Variants in CRB1 observed in about 807,000 individuals in gnomAD.
The protein encoded by CRB1 is crumbs cell polarity complex component 1, also known as protein crumbs homolog 1.
A neutral mutation model predicts 120.0 loss-of-function variants in CRB1; 83 were observed. The ratio of observed to expected loss-of-function variants is 0.69; its 90% confidence interval spans 0.58 to 0.83. The LOEUF (loss-of-function observed/expected upper bound fraction) is 0.83, where lower values mean the gene tolerates loss of function less well. Ranked by LOEUF, CRB1 falls within the 40% of genes least tolerant of loss-of-function variation. The pLI is 0.00. For synonymous variants in CRB1, 625 were observed against 612.5 expected, an observed-to-expected ratio of 1.02 and a Z score of -0.30; for missense variants, 1,699 against 1,687.6, an observed-to-expected ratio of 1.01 and a Z score of -0.12.
chr1:197,266,407 G>T (rs1654634549), upstream of CRB1, among the ~76,000 whole-genome samples: 2 of 152,026 alleles, frequency 1.3e-5, no homozygotes, highest in South Asian at 2.1e-4. Context: ...ATTCATGAGG[G>T]TTAGGTCTAA....
intron 1 of CRB1, among the ~76,000 whole-genome samples, chr1:197,303,077 C>T (rs1656962389): frequency 6.6e-6 from 1 of 151,894 alleles, no homozygotes; most frequent in Non-Finnish European, 1.5e-5. Flanking sequence ...TAAAATAAGA[C>T]CCAGGCTCAA....
chr1:197,425,734 C>T (rs76465485), intron 6 of CRB1, among the ~76,000 whole-genome samples: 1,656 of 152,240 alleles, frequency 0.011, 27 homozygotes, highest in African/African-American at 0.038. Context: ...TCTTATCTTA[C>T]TGGCTACTCT....
intron 10 of CRB1, chr1:197,439,746 T>C (rs180867238): frequency 6.6e-6 from 1 of 152,306 alleles, no homozygotes; most frequent in East Asian, 1.9e-4. Context: ...ACTGACTCAA[T>C]ATTTCCCATA....
At chr1:197,391,030 G>A (rs888805128) in intron 5 of CRB1, among the ~76,000 whole-genome samples, 1 of 152,016 alleles carries the variant, frequency 6.6e-6, no homozygotes. Flanking sequence ...AGAGTTGCAA[G>A]CAGAAAGTTT....
the CRB1 span, among the ~76,000 whole-genome samples, chr1:197,214,737 T>C: frequency 6.6e-6 from 1 of 152,166 alleles, no homozygotes; most frequent in Non-Finnish European, 1.5e-5. Context: ...TACTAGTAAA[T>C]ACTACCAATA....
At chr1:197,420,289 C>T (rs759426049) in intron 5 of CRB1, among the ~76,000 whole-genome samples, 4 of 151,968 alleles carry the variant, frequency 2.6e-5, no homozygotes, top group Non-Finnish European at 5.9e-5. Flanking sequence ...ATTCATATTA[C>T]TTTTTTTAAA....
intron 5 of CRB1, among the ~76,000 whole-genome samples, chr1:197,382,328 A>T (rs1028294528): frequency 3.3e-5 from 5 of 152,190 alleles, no homozygotes; most frequent in Admixed American, 1.3e-4. Flanking sequence ...AGGGCTCATG[A>T]CTGTATTTCC....
chr1:197,265,151 T>A (rs1571732445), upstream of CRB1, among the ~76,000 whole-genome samples: 1 of 152,310 alleles, frequency 6.6e-6, no homozygotes, highest in East Asian at 1.9e-4. Context: ...TCGGTAGAGG[T>A]TGGCTTCCAT....
intron 5 of CRB1, among the ~76,000 whole-genome samples, chr1:197,405,660 T>C (rs1374418000): frequency 6.8e-6 from 1 of 147,288 alleles, no homozygotes; most frequent in African/African-American, 2.5e-5. Context: ...GCCCATCGTC[T>C]GAGATGTGGG....
rs1331051134 is a variant in CRB1, at chr1:197,368,061, G to A, written c.1171+11048G>A. Among the ~76,000 whole-genome samples, 3 of 152,220 alleles carry A rather than the reference G, an allele frequency of 2.0e-5. No individual in the cohort carries two copies. The East Asian group carries it at 5.8e-4, about 29-fold the overall frequency. ...AATCCAACTAAAATAGCCATAGAGG[G>A]CCAAGCATATATCATTCAAAGCTTC... is the stretch of plus-strand genomic sequence containing the variant. On this transcript the variant is annotated intron_variant, in intron 5 of 11. Transcript: ENST00000367400.
At chr1:197,331,304 G>T (rs755597916) in intron 2 of CRB1, among the ~76,000 whole-genome samples, 1 of 152,118 alleles carries the variant, frequency 6.6e-6, no homozygotes, top group Non-Finnish European at 1.5e-5. Context: ...TGAAACTCAG[G>T]TAAATGAATA....
the CRB1 span, among the ~76,000 whole-genome samples, chr1:197,223,574 T>C: frequency 6.6e-6 from 1 of 152,212 alleles, no homozygotes; most frequent in Non-Finnish European, 1.5e-5. Context: ...TTATTTATTA[T>C]GGAAAAATGC....
chr1:197,289,853 C>G (rs1656064283), intron 1 of CRB1, among the ~76,000 whole-genome samples: 2 of 151,288 alleles, frequency 1.3e-5, no homozygotes, highest in African/African-American at 4.8e-5. Context: ...TTTCATATTA[C>G]AATTTAAAAT....
chr1:197,475,847 A>G (rs1350300897), intron 11 of CRB1, among the ~76,000 whole-genome samples: 1 of 152,004 alleles, frequency 6.6e-6, no homozygotes, highest in Non-Finnish European at 1.5e-5. Context: ...ATTCGGTCAC[A>G]CTGGGTTTCT....
At chr1:197,306,203 G>A (rs1657166331) in intron 1 of CRB1, among the ~76,000 whole-genome samples, 2 of 152,120 alleles carry the variant, frequency 1.3e-5, no homozygotes, top group African/African-American at 4.8e-5. Context: ...CAGAAACAGA[G>A]AGATTCAAAT....
chr1:197,340,735 AGAG>A (rs1181700202), intron 2 of CRB1, among the ~76,000 whole-genome samples: 1 of 152,064 alleles, frequency 6.6e-6, no homozygotes, highest in African/African-American at 2.4e-5. Flanking sequence ...CCATTCACTG[AGAG>A]GAGAGTTTTG....
intron 1 of CRB1, among the ~76,000 whole-genome samples, chr1:197,272,682 G>C (rs938730778): frequency 2.6e-5 from 4 of 152,128 alleles, no homozygotes; most frequent in African/African-American, 9.7e-5. Context: ...GTCCAGAAAG[G>C]CTACATATTG....
intron 2 of CRB1, among the ~76,000 whole-genome samples, chr1:197,330,612 C>G (rs1002107054): frequency 1.3e-5 from 2 of 152,254 alleles, no homozygotes; most frequent in Middle Eastern, 3.4e-3. Context: ...TTCTGCTATA[C>G]TTTTTAAGAC....
chr1:197,219,789 C>T, the CRB1 span, among the ~76,000 whole-genome samples: 1 of 152,192 alleles, frequency 6.6e-6, no homozygotes, highest in Non-Finnish European at 1.5e-5. Flanking sequence ...TTCCCTCTCT[C>T]TGTGCTCCAG....
Sources: gnomAD v4.1 joint callset for allele counts (sites outside exome capture counted in the v4.1 genomes callset) on GRCh38, gnomAD v4.1.1 for gene constraint, MANE v1.5 for transcripts, NCBI Gene and HGNC (gene_info 2026-07-23, HGNC 2026-07-21) for gene names.